JAK2: variants seen among roughly 807,000 people sequenced by gnomAD.
JAK2 encodes Janus kinase 2, also known as tyrosine-protein kinase JAK2.
In JAK2, 86 loss-of-function variants were observed where a neutral mutation model predicts 139.3. That is an observed-to-expected ratio of 0.62 (90% CI 0.52 to 0.74). JAK2 has a LOEUF of 0.74. Among genes scored for constraint, JAK2 ranks in the 30% least tolerant of loss-of-function variants. JAK2 has a pLI of 0.00. For synonymous variants in JAK2, 490 were observed against 437.7 expected (o/e 1.12, Z -1.49); for missense variants, 1,421 against 1,360.3 (o/e 1.04, Z -0.70).
intron 22 of JAK2, chr9:5,111,667 C>T (rs995071283): frequency 2.4e-5 from 10 of 408,492 alleles, no homozygotes; most frequent in Non-Finnish European, 3.8e-5. Context: ...CGCCCAGCAG[C>T]GGCCCTGTGG....
At chr9:5,061,003 G>C (rs995492178) in intron 8 of JAK2, among the ~76,000 whole-genome samples, 1 of 152,192 alleles carries the variant, frequency 6.6e-6, no homozygotes, top group African/African-American at 2.4e-5. Flanking sequence ...GGGTGACCAG[G>C]TGCGTTGTCA....
At chr9:5,042,319 A>G (rs1044125622) in intron 4 of JAK2, among the ~76,000 whole-genome samples, 22 of 150,224 alleles carry the variant, frequency 1.5e-4, no homozygotes, top group Admixed American at 6.6e-5. Context: ...TTGTATTTTT[A>G]GTAGAGACGG....
chr9:5,126,770 A>C lies in JAK2; in HGVS notation c.3378A>C (p.Ile1126=), dbSNP rs145153225. The C allele has an allele frequency of 2.1e-4, 333 of 1,607,458 alleles. No homozygotes were observed. The highest frequency in any genetic ancestry group is 2.7e-4 in the Non-Finnish European group (323 of 1,175,048). The change falls in exon 25 of 25, where the codon ATA becomes ATC. Residue 1126 remains isoleucine, a synonymous_variant. Transcript: ENST00000381652. ...ATCTAGCTCTTCGAGTGGATCAAATAAGGGATAACATGGCTGGATGAAAGA... is the reference window on the plus strand; with the variant it reads ...ATCTAGCTCTTCGAGTGGATCAAATCAGGGATAACATGGCTGGATGAAAGA... ...FRDLALRVDQ[I]RDNMAG
intron 22 of JAK2, chr9:5,091,679 A>T (rs1434004016): frequency 6.6e-6 from 1 of 152,076 alleles, no homozygotes; most frequent in East Asian, 1.9e-4. Flanking sequence ...GGGTTCGTGA[A>T]ATGGTTTTTG....
chr9:5,024,940 G>A (rs1368341896), intron 3 of JAK2, among the ~76,000 whole-genome samples: 15 of 152,164 alleles, frequency 9.9e-5, no homozygotes, highest in Non-Finnish European at 1.5e-5. Flanking sequence ...TCAAGACTTT[G>A]CTTAACTAGG....
Position 5,110,973 on chromosome 9 carries a change from C to G in JAK2, c.3060-12031C>G, listed in dbSNP as rs180784822. Reference sequence around the variant, plus strand: ...CGGACAAGGAGCTCAGTAACCTGGACTTCAGCATGATGTTCCCGCTGCCCG... The same window carrying G: ...CGGACAAGGAGCTCAGTAACCTGGAGTTCAGCATGATGTTCCCGCTGCCCG... On this transcript the variant is annotated intron_variant, in intron 22 of 24. Transcript: ENST00000381652. 46 of 617,988 alleles carry G rather than the reference C, an allele frequency of 7.4e-5. 1 individual carries two copies. In the East Asian group the frequency reaches 1.8e-3, roughly 24 times the overall value. 38.3% of individuals were successfully genotyped at this position (617,988 alleles called of 1,614,324 possible).
At chr9:5,103,693 A>G (rs1026088779) in intron 22 of JAK2, among the ~76,000 whole-genome samples, 3 of 152,224 alleles carry the variant, frequency 2.0e-5, no homozygotes, top group African/African-American at 7.2e-5. Context: ...CAAACGTAAA[A>G]GAACAGATAT....
intron 2 of JAK2, among the ~76,000 whole-genome samples, chr9:4,994,263 C>A (rs1820433258): frequency 6.6e-6 from 1 of 152,156 alleles, no homozygotes; most frequent in Non-Finnish European, 1.5e-5. Flanking sequence ...CACATTGTTT[C>A]ACTTAAAGTC....
intron 22 of JAK2, chr9:5,099,543 A>C (rs1446450600): frequency 6.6e-6 from 1 of 152,172 alleles, no homozygotes; most frequent in Non-Finnish European, 1.5e-5. Context: ...CAAAAACACA[A>C]GGCTTCCTGA....
Position 5,079,121 on chromosome 9 carries a change from G to A in JAK2, c.2131+677G>A, listed in dbSNP as rs191383460. Among the ~76,000 whole-genome samples, 5 of 152,306 alleles carry A rather than the reference G, an allele frequency of 3.3e-5. No homozygotes were observed. In the East Asian group the frequency reaches 7.7e-4, roughly 23 times the overall value. On this transcript the variant is annotated intron_variant, in intron 16 of 24. Transcript: ENST00000381652. The stretch of plus-strand genomic sequence containing the variant: ...TAAACTTAATGACTTATCTGACAGT[G>A]AAGACAGTGATAACTGGGCAGTAGT...
intron 19 of JAK2, among the ~76,000 whole-genome samples, chr9:5,089,361 A>T (rs1200015102): frequency 1.3e-5 from 2 of 151,982 alleles, no homozygotes; most frequent in Non-Finnish European, 2.9e-5. Flanking sequence ...ACACAGCGAA[A>T]CCCTGTCTCT....
chr9:5,054,778 G>A lies in JAK2; in HGVS notation c.830G>A (p.Ser277Asn), dbSNP rs1392759936. 1.9e-6 allele frequency: 3 copies of A among 1,613,080 alleles called. No individual in the cohort carries two copies. Among genetic ancestry groups the A allele is most frequent in the Non-Finnish European group, 2.5e-6 (3 of 1,179,358 alleles). Residue 277 changes from serine to asparagine, a missense_variant, in exon 7 of 25, where the codon AGT (serine) becomes AAT (asparagine). By Grantham distance (46) the Ser-to-Asn change is conservative. Coordinates refer to ENST00000381652, the MANE Select transcript of JAK2 (RefSeq NM_004972.4). This position sits in a 1 kb window ranked among gnomAD's most constrained non-coding sequence, Gnocchi z 4.9. ...TEKFEVKEPGSGPSGEEIFAT... is the reference protein window; with the variant it reads ...TEKFEVKEPGNGPSGEEIFAT... ...AAATTTGAAGTAAAAGAACCTGGAAGTGGTCCTTCAGGTGAGGAGATTTTT... is the reference window on the plus strand; with the variant it reads ...AAATTTGAAGTAAAAGAACCTGGAAATGGTCCTTCAGGTGAGGAGATTTTT...
rs750664913 is a variant in JAK2, at chr9:5,054,668, C to G, written c.720C>G (p.Phe240Leu). ...GATTTCGCAGATTTATTCAGCAATT[C>G]AGCCAATGCAAAGCCACTGCCAGAA... ...RYRFRRFIQQ[F>L]SQCKATARNL... Residue 240 changes from phenylalanine to leucine, a missense_variant, in exon 7 of 25, where the codon TTC becomes TTG. Physicochemically the swap from Phe to Leu is conservative, Grantham distance 22 (BLOSUM62 0). Transcript: ENST00000381652. The surrounding 1 kb of genome is among the most constrained non-coding windows in gnomAD (Gnocchi z 4.9). The G allele has an allele frequency of 6.2e-7, 1 of 1,613,292 alleles. No individual in the cohort carries two copies. Among genetic ancestry groups the G allele is most frequent in the Non-Finnish European group, 8.5e-7 (1 of 1,179,380 alleles).
At chr9:5,041,274 C>A (rs559981416) in intron 4 of JAK2, 2 of 1,155,264 alleles carry the variant, frequency 1.7e-6, no homozygotes, top group Admixed American at 1.8e-5. Flanking sequence ...CTCGGGCTGG[C>A]CAAGGGGTAC....
chr9:5,056,566 A>G (rs1307904401), intron 8 of JAK2, among the ~76,000 whole-genome samples: 1 of 152,240 alleles, frequency 6.6e-6, no homozygotes, highest in East Asian at 1.9e-4. Context: ...TAAAAATATG[A>G]TAGTACACCT....
intron 4 of JAK2, among the ~76,000 whole-genome samples, chr9:5,033,657 G>A (rs186497819): frequency 2.0e-5 from 3 of 152,252 alleles, no homozygotes; most frequent in African/African-American, 4.8e-5. Flanking sequence ...ATATGTGAAG[G>A]AGAAATAAAA....
chr9:5,046,776 CTAAGAATAGCCTTTTGAAAACAGGA>C (rs113358088), intron 5 of JAK2, among the ~76,000 whole-genome samples: 13,783 of 152,118 alleles, frequency 0.091, 1,874 homozygotes, highest in African/African-American at 0.3. Flanking sequence ...AGAGAGGCTT[CTAAGAATAGCCTTTTGAAAACAGGA>C]TATTATGAGG....
At chr9:5,077,065 AGTAATTTTT>A (rs1170947010) in intron 14 of JAK2, among the ~76,000 whole-genome samples, 5 of 152,066 alleles carry the variant, frequency 3.3e-5, no homozygotes, top group Admixed American at 2.0e-4. Flanking sequence ...GACAATTGTT[AGTAATTTTT>A]GTGTGTAGAA....
intron 2 of JAK2, among the ~76,000 whole-genome samples, chr9:4,998,692 G>C (rs996788462): frequency 6.6e-6 from 1 of 151,072 alleles, no homozygotes; most frequent in African/African-American, 2.4e-5. Flanking sequence ...CATTAAGCAT[G>C]ATTCTAAGAA....
Sources: gnomAD v4.1 joint callset for allele counts (sites outside exome capture counted in the v4.1 genomes callset) on GRCh38, gnomAD v4.1.1 for gene constraint, Gnocchi (gnomAD v3.1) non-coding constraint, MANE v1.5 for transcripts, NCBI Gene and HGNC (gene_info 2026-07-23, HGNC 2026-07-21) for gene names.